LRP1B: variants seen among roughly 807,000 people sequenced by gnomAD.
The protein encoded by LRP1B is low-density lipoprotein receptor-related protein 1B.
In LRP1B, 217 loss-of-function variants were observed where a neutral mutation model predicts 556.6. That is an observed-to-expected ratio of 0.39 (90% CI 0.35 to 0.44). The LOEUF is 0.44. LRP1B is among the 20% of genes least tolerant of loss of function. LRP1B has a pLI of 1.00. For missense variants in LRP1B, 5,053 were observed against 5,620.8 expected (o/e 0.90, Z 3.23); for synonymous variants, 2,047 against 1,865.8 (o/e 1.10, Z -2.50).
intron 41 of LRP1B, among the ~76,000 whole-genome samples, chr2:140,641,717 T>C (rs1435661010): frequency 6.6e-6 from 1 of 152,230 alleles, no homozygotes; most frequent in Non-Finnish European, 1.5e-5. Context: ...CACATCTTTA[T>C]TTCCTGGTAA....
intron 67 of LRP1B, among the ~76,000 whole-genome samples, chr2:140,379,357 C>T (rs556687935): frequency 6.6e-6 from 1 of 152,202 alleles, no homozygotes; most frequent in South Asian, 2.1e-4. Flanking sequence ...AGAGTAACAT[C>T]TTGATGGTTT....
At chr2:140,545,556 C>T (rs185812584) in intron 43 of LRP1B, among the ~76,000 whole-genome samples, 30 of 152,118 alleles carry the variant, frequency 2.0e-4, no homozygotes, top group East Asian at 1.9e-4. Flanking sequence ...TTCCCCTTTG[C>T]TTGTTTTTGT....
At chr2:140,544,890 A>G (rs1398456461) in intron 43 of LRP1B, among the ~76,000 whole-genome samples, 3 of 152,110 alleles carry the variant, frequency 2.0e-5, no homozygotes, top group African/African-American at 7.2e-5. Context: ...CCTTTGAGAA[A>G]TCATCACACT....
chr2:140,697,208 T>C (rs915544030), intron 41 of LRP1B, among the ~76,000 whole-genome samples: 9 of 152,134 alleles, frequency 5.9e-5, no homozygotes, highest in South Asian at 2.1e-4. Flanking sequence ...ATTAGAGTGA[T>C]TTGATTGTAT....
rs182710948 is a variant in LRP1B at position 141,542,878 on chromosome 2, C to T, written c.206-62345G>A. Among the ~76,000 whole-genome samples the T allele has an allele frequency of 4.1e-4, 62 of 152,048 alleles. No homozygotes were observed. The East Asian group carries it at 8.1e-3, about 20-fold the overall frequency. On this transcript the variant is annotated intron_variant, in intron 2 of 90. Coordinates refer to ENST00000389484, the MANE Select transcript of LRP1B (RefSeq NM_018557.3). ...CAGTCCTATTGAAAATAAGAACTTA[C>T]ATAGAAAAGGTTAAAAGTTACATAT...
chr2:142,055,165 G>A (rs1415497533), intron 1 of LRP1B, among the ~76,000 whole-genome samples: 1 of 152,042 alleles, frequency 6.6e-6, no homozygotes, highest in African/African-American at 2.4e-5. Context: ...GCAAACAGAG[G>A]AGGAGGAATA....
chr2:142,033,035 A>G (rs1366855195), intron 1 of LRP1B, among the ~76,000 whole-genome samples: 1 of 151,766 alleles, frequency 6.6e-6, no homozygotes, highest in Non-Finnish European at 1.5e-5. Flanking sequence ...TCTACGCCTC[A>G]TCTGTCATGA....
At chr2:141,312,456 G>A (rs932370751) in intron 3 of LRP1B, among the ~76,000 whole-genome samples, 1 of 152,038 alleles carries the variant, frequency 6.6e-6, no homozygotes, top group Non-Finnish European at 1.5e-5. Flanking sequence ...GATTGGTATG[G>A]TTTCTGGGCA....
At chr2:141,085,028 T>C (rs1700018637) in intron 7 of LRP1B, among the ~76,000 whole-genome samples, 1 of 151,908 alleles carries the variant, frequency 6.6e-6, no homozygotes, top group Admixed American at 6.6e-5. Flanking sequence ...TTTATTATAC[T>C]GAAAGTTTTC....
intron 25 of LRP1B, among the ~76,000 whole-genome samples, chr2:140,870,851 A>C (rs1693107342): frequency 6.6e-6 from 1 of 152,140 alleles, no homozygotes; most frequent in African/African-American, 2.4e-5. Context: ...CCTTTTAAAA[A>C]AAATTTATGT....
intron 27 of LRP1B, among the ~76,000 whole-genome samples, chr2:140,853,716 C>T (rs966490138): frequency 6.6e-6 from 1 of 151,912 alleles, no homozygotes; most frequent in Non-Finnish European, 1.5e-5. Flanking sequence ...ATAAGAGACT[C>T]ACAAAAAACT....
intron 1 of LRP1B, among the ~76,000 whole-genome samples, chr2:142,060,923 A>G (rs1187890249): frequency 3.3e-5 from 5 of 152,024 alleles, no homozygotes; most frequent in Admixed American, 2.0e-4. Flanking sequence ...TGCACTGACA[A>G]TTAGAGTTCA....
At chr2:140,898,502 C>G in intron 23 of LRP1B, 1 of 236,388 alleles carries the variant, frequency 4.2e-6, no homozygotes, top group East Asian at 1.2e-4. Context: ...CGTGGGCTGA[C>G]CAAGTTCTCC....
At chr2:140,635,890 T>C (rs983034017) in intron 41 of LRP1B, among the ~76,000 whole-genome samples, 1 of 152,118 alleles carries the variant, frequency 6.6e-6, no homozygotes, top group Non-Finnish European at 1.5e-5. Flanking sequence ...ACACCATCAA[T>C]CAGGCAAATC....
chr2:140,756,283 A>C (rs567622144), intron 35 of LRP1B, among the ~76,000 whole-genome samples: 1 of 152,102 alleles, frequency 6.6e-6, no homozygotes, highest in South Asian at 2.1e-4. Context: ...CTTCCTCACA[A>C]TCTCTCTCAA....
At chr2:141,687,780 T>C (rs1319275025) in intron 2 of LRP1B, among the ~76,000 whole-genome samples, 1 of 151,932 alleles carries the variant, frequency 6.6e-6, no homozygotes, top group Non-Finnish European at 1.5e-5. Flanking sequence ...AAATAATCAA[T>C]TCTACCAATT....
At chr2:140,998,536 A>G (rs1237913274) in intron 15 of LRP1B, among the ~76,000 whole-genome samples, 5 of 152,038 alleles carry the variant, frequency 3.3e-5, no homozygotes, top group Non-Finnish European at 7.4e-5. Context: ...CCAAGTTACT[A>G]TGCTACAACT....
intron 35 of LRP1B, among the ~76,000 whole-genome samples, chr2:140,748,876 G>A (rs542730737): frequency 1.7e-4 from 17 of 99,092 alleles, no homozygotes; most frequent in African/African-American, 6.5e-4. Flanking sequence ...CACACACAGA[G>A]TCATGCATCA....
chr2:140,992,264 C>T (rs67521705), intron 16 of LRP1B, among the ~76,000 whole-genome samples: 23,317 of 151,776 alleles, frequency 0.15, 1,835 homozygotes, highest in East Asian at 0.32. Flanking sequence ...AAAACCATGG[C>T]TTGGGTGATG....
Sources: allele counts gnomAD v4.1 joint callset (sites outside exome capture counted in the v4.1 genomes callset), GRCh38; gene constraint gnomAD v4.1.1; transcripts MANE v1.5; gene names NCBI Gene and HGNC (gene_info 2026-07-23, HGNC 2026-07-21).